WWOX: variants seen among roughly 807,000 people sequenced by gnomAD.
The protein encoded by WWOX is WW domain containing oxidoreductase, also known as WW domain-containing oxidoreductase.
A neutral mutation model predicts 46.2 loss-of-function variants in WWOX; 69 were observed. That is an observed-to-expected ratio of 1.49 (90% confidence interval 1.23 to 1.82). WWOX has a LOEUF of 1.82. WWOX is among the 40% of genes most tolerant of loss of function. WWOX has a pLI of 0.00. For missense variants in WWOX, 919 were observed against 542.6 expected, an observed-to-expected ratio of 1.69 and a Z score of -6.89; for synonymous variants, 359 against 202.6, an observed-to-expected ratio of 1.77 and a Z score of -6.56.
intron 8 of WWOX, among the ~76,000 whole-genome samples, chr16:78,612,058 C>T (rs561503723): frequency 3.3e-5 from 5 of 152,310 alleles, no homozygotes; most frequent in Admixed American, 2.0e-4. Flanking sequence ...TGGTGTGCAC[C>T]TGGCATATCC....
At chr16:78,889,272 T>C (rs951734184) in intron 8 of WWOX, among the ~76,000 whole-genome samples, 2 of 152,142 alleles carry the variant, frequency 1.3e-5, no homozygotes, top group African/African-American at 2.4e-5. Context: ...TGTTCATATC[T>C]AATTATTTTC....
rs554026835 is a variant in WWOX, at chr16:78,949,542, T to G, written c.1057-262066T>G. On this transcript the variant is annotated intron_variant, in intron 8 of 8. Coordinates refer to ENST00000566780, the MANE Select transcript of WWOX (RefSeq NM_016373.4). ...TCAGAGTCATACTCAGCCTAATTAT[T>G]GCTTTTGACCAACCCCAACACATAA... Among the ~76,000 whole-genome samples, 12 of 152,348 alleles carry G rather than the reference T, an allele frequency of 7.9e-5. No individual in the cohort carries two copies. In the South Asian group the frequency reaches 1.4e-3, roughly 18 times the overall value.
At chr16:78,471,082 T>A (rs2084209305) in intron 8 of WWOX, among the ~76,000 whole-genome samples, 1 of 152,232 alleles carries the variant, frequency 6.6e-6, no homozygotes, top group Non-Finnish European at 1.5e-5. Context: ...GCTGATTTGA[T>A]GCTTCCAGCC....
intron 8 of WWOX, among the ~76,000 whole-genome samples, chr16:78,677,573 C>T (rs1357452230): frequency 6.6e-6 from 1 of 152,198 alleles, no homozygotes. Context: ...TTCAGACATG[C>T]AACCCCCAAA....
At chr16:78,678,519 A>G (rs1048659924) in intron 8 of WWOX, among the ~76,000 whole-genome samples, 5 of 152,176 alleles carry the variant, frequency 3.3e-5, no homozygotes, top group Admixed American at 1.3e-4. Flanking sequence ...TGGAAGGAAA[A>G]GCTGGGCAAG....
At chr16:78,190,250 A>T (rs1003837040) in intron 5 of WWOX, among the ~76,000 whole-genome samples, 14 of 152,116 alleles carry the variant, frequency 9.2e-5, no homozygotes, top group African/African-American at 3.1e-4. Flanking sequence ...AGGTGCAGGG[A>T]TGTTTATATG....
intron 8 of WWOX, among the ~76,000 whole-genome samples, chr16:78,734,840 C>CTT (rs1567524279): frequency 3.2e-5 from 2 of 61,698 alleles, no homozygotes; most frequent in Admixed American, 2.5e-4. Flanking sequence ...GGACTTCAGT[C>CTT]CTTTTTTTTT....
chr16:78,802,542 CA>C (rs1260214617), intron 8 of WWOX, among the ~76,000 whole-genome samples: 9 of 151,958 alleles, frequency 5.9e-5, no homozygotes. Context: ...CCATTTTCCC[CA>C]AAACTTAGTC....
intron 8 of WWOX, among the ~76,000 whole-genome samples, chr16:78,670,117 G>T (rs1385045756): frequency 6.6e-6 from 1 of 151,604 alleles, no homozygotes; most frequent in Non-Finnish European, 1.5e-5. Context: ...TGTTGTGAGG[G>T]CTTCTCTGCG....
intron 1 of WWOX, 37 bp downstream of exon 1, chr16:78,099,922 G>T (rs1292947217): frequency 1.3e-6 from 2 of 1,547,686 alleles, no homozygotes; most frequent in African/African-American, 1.4e-5. Flanking sequence ...ACGCACCTGG[G>T]ACCCTGCACA....
intron 8 of WWOX, among the ~76,000 whole-genome samples, chr16:78,715,829 T>C (rs2048548830): frequency 6.6e-6 from 1 of 152,022 alleles, no homozygotes; most frequent in Non-Finnish European, 1.5e-5. Flanking sequence ...ATCTATCAAC[T>C]CCCTTCTGCA....
chr16:78,723,574 TTTC>T (rs145513381), intron 8 of WWOX, among the ~76,000 whole-genome samples: 145 of 45,900 alleles, frequency 3.2e-3, no homozygotes, highest in East Asian at 0.01. Context: ...TTTCTTTTCT[TTTC>T]TTTTCTTTTC....
At chr16:79,181,611 G>T (rs1567602674) in intron 8 of WWOX, among the ~76,000 whole-genome samples, 1 of 151,880 alleles carries the variant, frequency 6.6e-6, no homozygotes, top group Non-Finnish European at 1.5e-5. Context: ...ACCAAAGTTT[G>T]CTTAACATCC....
intron 8 of WWOX, among the ~76,000 whole-genome samples, chr16:78,977,784 C>T (rs2046602772): frequency 1.3e-5 from 2 of 152,158 alleles, no homozygotes; most frequent in South Asian, 4.1e-4. Context: ...CAAACATGCA[C>T]TCCCATCCCA....
At chr16:78,517,362 T>A (rs942198343) in intron 8 of WWOX, among the ~76,000 whole-genome samples, 11 of 148,966 alleles carry the variant, frequency 7.4e-5, no homozygotes, top group African/African-American at 2.2e-4. Context: ...TTTTGACATT[T>A]GAAGCATCCA....
chr16:79,053,033 A>G (rs138953372), intron 8 of WWOX, among the ~76,000 whole-genome samples: 93 of 152,240 alleles, frequency 6.1e-4, no homozygotes, highest in African/African-American at 2.1e-3. Flanking sequence ...ACAGGGTTAC[A>G]GAGCAAAGTA....
intron 8 of WWOX, among the ~76,000 whole-genome samples, chr16:78,512,443 G>C (rs1357260487): frequency 1.3e-5 from 2 of 152,168 alleles, no homozygotes; most frequent in African/African-American, 4.8e-5. Context: ...AATGTGTTGA[G>C]TAGAATTAAA....
At chr16:78,463,710 C>T (rs1233130339) in intron 8 of WWOX, among the ~76,000 whole-genome samples, 1 of 152,216 alleles carries the variant, frequency 6.6e-6, no homozygotes, top group African/African-American at 2.4e-5. Context: ...CTGGCTCTCA[C>T]TCTGCTCCAT....
chr16:78,507,515 T>C (rs1253837146), intron 8 of WWOX, among the ~76,000 whole-genome samples: 1 of 152,226 alleles, frequency 6.6e-6, no homozygotes, highest in Non-Finnish European at 1.5e-5. Context: ...TGTGTTTTTA[T>C]GTTTTGAAAA....
Sources: allele counts gnomAD v4.1 joint callset (sites outside exome capture counted in the v4.1 genomes callset), GRCh38; gene constraint gnomAD v4.1.1; transcripts MANE v1.5; gene names NCBI Gene and HGNC (gene_info 2026-07-23, HGNC 2026-07-21).